The following TANC2 variants were observed in gnomAD, a reference collection of about 807,000 sequenced individuals.
TANC2 encodes tetratricopeptide repeat, ankyrin repeat and coiled-coil containing 2.
TANC2 carries 26 observed loss-of-function variants against 210.5 expected under a neutral mutation model. That is an observed-to-expected ratio of 0.12 (90% confidence interval 0.09 to 0.17). The LOEUF is 0.17. Ranked by LOEUF, TANC2 falls within the 10% of genes least tolerant of loss-of-function variation. TANC2 has a pLI of 1.00. For missense variants in TANC2, 2,129 were observed against 2,608.9 expected (o/e 0.82, Z 4.01); for synonymous variants, 931 against 967.1 (o/e 0.96, Z 0.69).
rs556929601 is a variant in TANC2 at position 63,298,900 on chromosome 17, C to G, written c.1160-15488C>G. Reference sequence around the variant, plus strand: ...AGCCCCACATGCATTAGTTATTTGTCCTAATGCTCTTCCTCCCCTTGCCCC... The same window carrying G: ...AGCCCCACATGCATTAGTTATTTGTGCTAATGCTCTTCCTCCCCTTGCCCC... On this transcript the variant is annotated intron_variant, in intron 9 of 27. Coordinates refer to ENST00000689528, the Ensembl canonical transcript of TANC2. Among the ~76,000 whole-genome samples, 3 of 152,186 alleles carry G rather than the reference C, an allele frequency of 2.0e-5. No homozygotes were observed. The South Asian group carries it at 6.2e-4, about 32-fold the overall frequency.
intron 14 of TANC2, among the ~76,000 whole-genome samples, chr17:63,374,466 A>G (rs2047366861): frequency 6.6e-6 from 1 of 152,184 alleles, no homozygotes; most frequent in Non-Finnish European, 1.5e-5. Flanking sequence ...TGTGGAGTAG[A>G]GCAACATAGA....
intron 4 of TANC2, among the ~76,000 whole-genome samples, chr17:63,139,454 C>T (rs886124426): frequency 2.6e-5 from 4 of 152,140 alleles, no homozygotes; most frequent in Admixed American, 6.5e-5. Flanking sequence ...GACAAAACCT[C>T]ATCTCTACTA....
intron 2 of TANC2, among the ~76,000 whole-genome samples, chr17:63,067,119 A>G (rs920439886): frequency 6.6e-6 from 1 of 152,244 alleles, no homozygotes; most frequent in Non-Finnish European, 1.5e-5. Flanking sequence ...TGTAGTATTA[A>G]AGAAGACTTG....
At chr17:63,196,397 A>C (rs2041347453) in intron 6 of TANC2, among the ~76,000 whole-genome samples, 1 of 152,196 alleles carries the variant, frequency 6.6e-6, no homozygotes, top group African/African-American at 2.4e-5. Context: ...TGACCAGGTA[A>C]CTTGATGTCA....
intron 3 of TANC2, among the ~76,000 whole-genome samples, chr17:63,098,486 T>TACA (rs1567721172): frequency 2.8e-5 from 2 of 72,488 alleles, no homozygotes; most frequent in African/African-American, 1.0e-4. Context: ...ACACATACAC[T>TACA]CTCTCTCTCT....
At chr17:63,012,179 G>A (rs1354461561) in intron 2 of TANC2, among the ~76,000 whole-genome samples, 1 of 151,806 alleles carries the variant, frequency 6.6e-6, no homozygotes, top group Non-Finnish European at 1.5e-5. Flanking sequence ...ACCACACCTA[G>A]CTAATTTTTT....
At chr17:63,241,085 A>G (rs1019801475) in intron 8 of TANC2, among the ~76,000 whole-genome samples, 23 of 152,190 alleles carry the variant, frequency 1.5e-4, no homozygotes, top group African/African-American at 4.6e-4. Flanking sequence ...AGTAAATCTA[A>G]TGATAATTTT....
intron 4 of TANC2, among the ~76,000 whole-genome samples, chr17:63,105,431 C>T (rs957283408): frequency 1.3e-5 from 2 of 151,556 alleles, no homozygotes; most frequent in Non-Finnish European, 2.9e-5. Context: ...TGAAAAGGGC[C>T]TATACATAGT....
intron 1 of TANC2, among the ~76,000 whole-genome samples, chr17:62,986,053 G>A (rs917302988): frequency 5.9e-5 from 9 of 152,318 alleles, no homozygotes; most frequent in African/African-American, 2.2e-4. Flanking sequence ...ATGACGGTTA[G>A]GTGGGGCATG....
At chr17:63,147,645 A>T (rs1299057995) in intron 4 of TANC2, among the ~76,000 whole-genome samples, 1 of 152,142 alleles carries the variant, frequency 6.6e-6, no homozygotes, top group East Asian at 1.9e-4. Context: ...ACAAATTCCC[A>T]GGTGATATTA....
At chr17:63,183,734 C>T (rs1013889354) in intron 5 of TANC2, among the ~76,000 whole-genome samples, 2 of 152,090 alleles carry the variant, frequency 1.3e-5, no homozygotes, top group African/African-American at 4.8e-5. Flanking sequence ...AAAAGAAATG[C>T]AGGCTGGGCG....
intron 1 of TANC2, among the ~76,000 whole-genome samples, chr17:63,000,226 A>G (rs1005656928): frequency 1.3e-5 from 2 of 152,012 alleles, no homozygotes; most frequent in African/African-American, 4.8e-5. Context: ...TGAATCTACA[A>G]TAAGTTAAAA....
chr17:63,200,816 A>G (rs376672390), exon 7 of TANC2: 2 of 1,613,770 alleles, frequency 1.2e-6, no homozygotes, highest in Non-Finnish European at 1.7e-6. Context: ...CACTCTGACT[A>G]GCAGCACTGC....
intron 15 of TANC2, 145 bp downstream of exon 15, chr17:63,379,971 T>A (rs1313271545): frequency 9.7e-5 from 61 of 627,798 alleles, no homozygotes; most frequent in South Asian, 9.1e-4. Flanking sequence ...TATGGCCTGT[T>A]CCTCCCTAGG....
intron 26 of TANC2, among the ~76,000 whole-genome samples, chr17:63,416,542 G>C (rs943201806): frequency 6.6e-6 from 1 of 152,188 alleles, no homozygotes; most frequent in Non-Finnish European, 1.5e-5. Flanking sequence ...GTAACCTTTA[G>C]ATCATCCATT....
At chr17:63,358,976 T>TTGTGTGTGTGTGTGTGTGTGTGTG (rs34338483) in intron 14 of TANC2, among the ~76,000 whole-genome samples, 6 of 147,806 alleles carry the variant, frequency 4.1e-5, no homozygotes, top group African/African-American at 1.5e-4. Context: ...AGATTAATAT[T>TTGTGTGTGTGTGTGTGTGTGTGTG]TGTGTGTGTG....
intron 4 of TANC2, among the ~76,000 whole-genome samples, chr17:63,135,296 T>A (rs1432327242): frequency 3.3e-5 from 5 of 152,202 alleles, no homozygotes; most frequent in Non-Finnish European, 7.3e-5. Context: ...TTATGTACTG[T>A]TGCATAGATT....
chr17:63,375,532 A>G (rs2047397530), intron 14 of TANC2, among the ~76,000 whole-genome samples: 1 of 152,238 alleles, frequency 6.6e-6, no homozygotes, highest in Non-Finnish European at 1.5e-5. Flanking sequence ...TCTCATTAAC[A>G]GCCTAAAGCA....
intron 2 of TANC2, among the ~76,000 whole-genome samples, chr17:63,062,584 T>G (rs2036034441): frequency 6.6e-6 from 1 of 152,160 alleles, no homozygotes; most frequent in African/African-American, 2.4e-5. Context: ...TTCTTTGTAT[T>G]TTCCGGTGAG....
Sources: allele counts gnomAD v4.1 joint callset (sites outside exome capture counted in the v4.1 genomes callset), GRCh38; gene constraint gnomAD v4.1.1; transcripts MANE v1.5; gene names NCBI Gene and HGNC (gene_info 2026-07-23, HGNC 2026-07-21).